Variants in PNMA6F observed in about 807,000 individuals in gnomAD.
The protein encoded by PNMA6F is paraneoplastic antigen Ma6F.
For synonymous variants in PNMA6F, 14 were observed against 3.4 expected (o/e 4.15, Z -3.45); for missense variants, 57 against 10.8 (o/e 5.25, Z -5.98).
Position 153,319,445 on chromosome X carries a change from T to C in PNMA6F, c.1230A>G (p.Pro410=), listed in dbSNP as rs1321064633. The change falls in exon 2 of 2, where the codon CCA becomes CCG. Residue 410 remains proline (P), a synonymous_variant. Coordinates refer to ENST00000436629, the MANE Select transcript of PNMA6F (RefSeq NM_001354980.2). ...GCCGCAGCAGCCTCAGGAAGTCAGGTGGCCTCCTCTCCAGCTGCATCCTCC... is the reference window on the plus strand; with the variant it reads ...GCCGCAGCAGCCTCAGGAAGTCAGGCGGCCTCCTCTCCAGCTGCATCCTCC... ...TLRRMQLERR[P]PDFLRLLRLI... 3 of 297,000 alleles carry C rather than the reference T, an allele frequency of 1.0e-5. No individual in the cohort carries two copies. Among genetic ancestry groups the C allele is most frequent in the Non-Finnish European group, 1.8e-5 (3 of 170,254 alleles). 24.5% of individuals were successfully genotyped at this position (297,000 alleles called of 1,213,427 possible). A position where few individuals can be genotyped will look rare whatever the true frequency, so the allele number is the denominator to read the frequency against.
chrX:153,320,786 A>C, intron 1 of PNMA6F, 29 bp from the exon 2 acceptor site: 1 of 294,585 alleles, frequency 3.4e-6, no homozygotes, highest in Non-Finnish European at 5.9e-6. Context: ...GAGAGGGACG[A>C]CGTTGCTGCC....
chrX:153,319,232 G>A lies in PNMA6F; in HGVS notation c.1443C>T (p.Ala481=), dbSNP rs1189470978. 1.3e-5 allele frequency: 4 copies of A among 297,670 alleles called. No homozygotes were observed. The highest frequency in any genetic ancestry group is 9.5e-5 in the East Asian group (2 of 21,020). 24.5% of individuals were successfully genotyped at this position (297,670 alleles called of 1,213,427 possible). Residue 481 remains alanine, a synonymous_variant, in exon 2 of 2, where the codon GCC becomes GCT. Coordinates refer to ENST00000436629, the MANE Select transcript of PNMA6F (RefSeq NM_001354980.2). ...CCCCAGTGGCAGGGGCAACCCTGGC[G>A]GCCTCTTTGGTGGTGGAAGCAGCCT... The part of the protein sequence containing the change: ...ADEAASTTKE[A]ARVAPATGED...
chrX:153,317,727 T>C lies in PNMA6F; in HGVS notation c.*1211A>G, dbSNP rs782712351. 9.7e-5 allele frequency: 12 copies of C among 123,436 alleles called. No individual in the cohort carries two copies. The East Asian group carries it at 3.1e-3, about 32-fold the overall frequency. The allele number at this position is 123,436 out of a possible 1,213,427, so 10.2% of individuals were successfully genotyped here. A position where few individuals can be genotyped will look rare whatever the true frequency, so the allele number is the denominator to read the frequency against. On this transcript the variant is annotated 3_prime_UTR_variant, in exon 2 of 2. Transcript: ENST00000436629. ...TGAAGAGAAACATGTACTGAAACCA[T>C]TGAAGAGAAGGGAATCACAACACAG...
chrX:153,318,556 T>C lies in PNMA6F; in HGVS notation c.*382A>G, dbSNP rs1407929227. 5.3e-5 allele frequency: 7 copies of C among 132,631 alleles called. No homozygotes were observed. Among genetic ancestry groups the C allele is most frequent in the South Asian group, 6.8e-4 (2 of 2,948 alleles). 10.9% of individuals were successfully genotyped at this position (132,631 alleles called of 1,213,427 possible). ...CGGACGCGTGGGTCACTATGGGGCC[T>C]ACAGAGGTGAGGGTGGGCTTCCCGG... On this transcript the variant is annotated 3_prime_UTR_variant, in exon 2 of 2. Coordinates refer to ENST00000436629, the MANE Select transcript of PNMA6F (RefSeq NM_001354980.2).
In PNMA6F at chrX:153,320,040, TCCTCACCTGCGCCTCCTG is replaced by T. The variant is rs1271997806; in HGVS notation, c.617_634del (p.Ala206_Glu211del). On this transcript the variant is annotated inframe_deletion, in exon 2 of 2. Transcript: ENST00000436629. The stretch of plus-strand genomic sequence containing the variant: ...AGCTCCTGCCTCATCTTCACCTCCT[TCCTCACCTGCGCCTCCTG>T]CCTCACCTGCACCTCCTTCCTCACC... 3 of 340,058 alleles carry T rather than the reference TCCTCACCTGCGCCTCCTG, an allele frequency of 8.8e-6. No homozygotes were observed. Among genetic ancestry groups the T allele is most frequent in the Non-Finnish European group, 9.9e-6 (2 of 201,387 alleles). The allele number at this position is 340,058 out of a possible 1,213,427, so 28.0% of individuals were successfully genotyped here. A position where few individuals can be genotyped will look rare whatever the true frequency, so the allele number is the denominator to read the frequency against.
chrX:153,321,678 G>A lies in PNMA6F; in HGVS notation c.-210C>T, dbSNP rs1457778156. On this transcript the variant is annotated 5_prime_UTR_variant, in exon 1 of 2. Coordinates refer to ENST00000436629, the MANE Select transcript of PNMA6F (RefSeq NM_001354980.2). ...GTGGAAGATCTCGCCTCAGTCACGC[G>A]GCCGCGCTGCGCAGCGCAGGGGTCT... The A allele has an allele frequency of 9.3e-6, 1 of 107,352 alleles. No individual in the cohort carries two copies. The highest frequency in any genetic ancestry group is 1.9e-5 in the Non-Finnish European group (1 of 51,735). The allele number at this position is 107,352 out of a possible 1,213,427, so 8.8% of individuals were successfully genotyped here.
chrX:153,318,696 G>A lies in PNMA6F; in HGVS notation c.*242C>T, dbSNP rs2051973413. On this transcript the variant is annotated 3_prime_UTR_variant, in exon 2 of 2. Transcript: ENST00000436629. The stretch of plus-strand genomic sequence containing the variant: ...CCCATCTCTCCCAACACAGGACAAG[G>A]GGTGGGGGGCAGACATCTTCAGGCT... 3.7e-6 allele frequency: 1 copy of A among 266,965 alleles called. No individual in the cohort carries two copies. Among genetic ancestry groups the A allele is most frequent in the East Asian group, 5.5e-5 (1 of 18,276 alleles). 22.0% of individuals were successfully genotyped at this position (266,965 alleles called of 1,213,427 possible). A position where few individuals can be genotyped will look rare whatever the true frequency, so the allele number is the denominator to read the frequency against.
rs1339735919 is a variant in PNMA6F at position 153,320,549 on chromosome X, CA to C, written c.125del (p.Leu42ArgfsTer28). 1 of 295,461 alleles carries C rather than the reference CA, an allele frequency of 3.4e-6. No individual in the cohort carries two copies. Among genetic ancestry groups the C allele is most frequent in the African/African-American group, 2.8e-5 (1 of 36,188 alleles). The allele number at this position is 295,461 out of a possible 1,213,427, so 24.3% of individuals were successfully genotyped here. On this transcript the variant is annotated frameshift_variant, in exon 2 of 2. Coordinates refer to ENST00000436629, the MANE Select transcript of PNMA6F (RefSeq NM_001354980.2). LOFTEE classifies it low-confidence loss of function (END_TRUNC). ...QEAVRAALSP[L>X]GRYRVLIKVF... ...CCTTGATGAGCACTCGGTACCTGCC[CA>C]GGGGCGACAGGGCAGCCCGCACGGC...
At position 153,319,678 on chromosome X, in the gene PNMA6F, G is replaced by A. The variant is rs782420359; in HGVS notation, c.997C>T (p.Arg333Trp). Residue 333 changes from arginine (R) to tryptophan (W), a missense_variant, in exon 2 of 2, where the codon CGG (arginine) becomes TGG (tryptophan). By Grantham distance (101) the Arg-to-Trp change is moderately radical (BLOSUM62 -3). Coordinates refer to ENST00000436629, the MANE Select transcript of PNMA6F (RefSeq NM_001354980.2). ...LTALGQVFRS[R>W]DTWMTSRMKF... ...ATCCGCGAGGTCATCCATGTATCCCGGCTCCTAAACACCTGCCCCAGCGCC... is the reference window on the plus strand; with the variant it reads ...ATCCGCGAGGTCATCCATGTATCCCAGCTCCTAAACACCTGCCCCAGCGCC... 5 of 297,261 alleles carry A rather than the reference G, an allele frequency of 1.7e-5. No homozygotes were observed. The highest frequency in any genetic ancestry group is 4.8e-5 in the East Asian group (1 of 21,005). 24.5% of individuals were successfully genotyped at this position (297,261 alleles called of 1,213,427 possible). A position where few individuals can be genotyped will look rare whatever the true frequency, so the allele number is the denominator to read the frequency against.
rs1556958383 is a variant in PNMA6F at position 153,318,066 on chromosome X, C to G, written c.*872G>C. 1 of 117,344 alleles carries G rather than the reference C, an allele frequency of 8.5e-6. No homozygotes were observed. Among genetic ancestry groups the G allele is most frequent in the African/African-American group, 3.3e-5 (1 of 30,716 alleles). 9.7% of individuals were successfully genotyped at this position (117,344 alleles called of 1,213,427 possible). A position where few individuals can be genotyped will look rare whatever the true frequency, so the allele number is the denominator to read the frequency against. The stretch of plus-strand genomic sequence containing the variant: ...GTCAAGGAAACTGAGTCACAAGTAA[C>G]AACAGGAATAGAACACCAAAGCACA... On this transcript the variant is annotated 3_prime_UTR_variant, in exon 2 of 2. Transcript: ENST00000436629.
At chrX:153,320,919 C>T (rs2051991610) in intron 1 of PNMA6F, among the ~76,000 whole-genome samples, 162 bp from the exon 2 acceptor site, 2 of 107,131 alleles carry the variant, frequency 1.9e-5, no homozygotes, top group South Asian at 8.7e-4. Context: ...GTTGGTGACA[C>T]TTAATCCCTT....
Position 153,320,058 on chromosome X carries a change from G to A in PNMA6F, c.617C>T (p.Ala206Val). The stretch of plus-strand genomic sequence containing the variant: ...ACCTCCTTCCTCACCTGCGCCTCCT[G>A]CCTCACCTGCACCTCCTTCCTCACC... ...GTGEEGGAGEAGGAGEEGGED... is the reference protein window; with the variant it reads ...GTGEEGGAGEVGGAGEEGGED... The change falls in exon 2 of 2, where the codon GCA becomes GTA. Residue 206 changes from alanine (A) to valine (V), a missense_variant. Ala to Val is a moderately conservative substitution (Grantham distance 64). Transcript: ENST00000436629. 2.8e-6 allele frequency: 1 copy of A among 358,044 alleles called. No individual in the cohort carries two copies. The highest frequency in any genetic ancestry group is 4.8e-6 in the Non-Finnish European group (1 of 210,457). 29.5% of individuals were successfully genotyped at this position (358,044 alleles called of 1,213,427 possible). A position where few individuals can be genotyped will look rare whatever the true frequency, so the allele number is the denominator to read the frequency against.
rs1440383101 is a variant in PNMA6F at position 153,321,543 on chromosome X, C to A, written c.-84+9G>T. ...CGGTCACTCTGGGGTCCCGCCGGAG[C>A]CTGCTCACTTTCTCCGACTCTGCGG... On this transcript the variant is annotated intron_variant, in intron 1 of 1. Transcript: ENST00000436629. The A allele has an allele frequency of 1.9e-5, 2 of 105,607 alleles. No individual in the cohort carries two copies. Among genetic ancestry groups the A allele is most frequent in the Admixed American group, 2.0e-4 (2 of 9,964 alleles). The allele number at this position is 105,607 out of a possible 1,213,427, so 8.7% of individuals were successfully genotyped here.
chrX:153,320,426 T>C lies in PNMA6F; in HGVS notation c.249A>G (p.Gly83=). The C allele has an allele frequency of 6.7e-6, 2 of 297,971 alleles. No individual in the cohort carries two copies. Among genetic ancestry groups the C allele is most frequent in the Non-Finnish European group, 1.2e-5 (2 of 170,796 alleles). The allele number at this position is 297,971 out of a possible 1,213,427, so 24.6% of individuals were successfully genotyped here. ...GGGGCAGGGAGATCACTTTCCAGGG[T>C]CCCCCTTTGCCTGCTATTTGGCGGG... ...LIPRQIAGKG[G]PWKVISLPQA... is the part of the protein sequence containing the mutation. The change falls in exon 2 of 2, where the codon GGA becomes GGG. Residue 83 remains glycine (G), a synonymous_variant. Coordinates refer to ENST00000436629, the MANE Select transcript of PNMA6F (RefSeq NM_001354980.2).
Position 153,319,592 on chromosome X carries a change from C to T in PNMA6F, c.1083G>A (p.Leu361=). 3.4e-6 allele frequency: 1 copy of T among 298,266 alleles called. No homozygotes were observed. 24.6% of individuals were successfully genotyped at this position (298,266 alleles called of 1,213,427 possible). A position where few individuals can be genotyped will look rare whatever the true frequency, so the allele number is the denominator to read the frequency against. Residue 361 remains leucine (L), a synonymous_variant, in exon 2 of 2, where the codon CTG becomes CTA. Coordinates refer to ENST00000436629, the MANE Select transcript of PNMA6F (RefSeq NM_001354980.2). ...CCACGGCCTTCTGCAGCAGGCCTTC[C>T]AGGCGCACCACGAAGGCAAACAGCC... The part of the protein sequence containing the change: ...QEGLFAFVVR[L]EGLLQKAVEK...
Position 153,318,741 on chromosome X carries a change from C to T in PNMA6F, c.*197G>A. On this transcript the variant is annotated 3_prime_UTR_variant, in exon 2 of 2. Coordinates refer to ENST00000436629, the MANE Select transcript of PNMA6F (RefSeq NM_001354980.2). Reference sequence around the variant, plus strand: ...CAGGCTGGCCGCTCAGAGCTCCCTCCAGGCCAGCTCCCCATTTGGTATCAA... The same window carrying T: ...CAGGCTGGCCGCTCAGAGCTCCCTCTAGGCCAGCTCCCCATTTGGTATCAA... The T allele has an allele frequency of 6.9e-6, 2 of 290,492 alleles. No individual in the cohort carries two copies. The highest frequency in any genetic ancestry group is 1.2e-5 in the Non-Finnish European group (2 of 165,830). 23.9% of individuals were successfully genotyped at this position (290,492 alleles called of 1,213,427 possible). A position where few individuals can be genotyped will look rare whatever the true frequency, so the allele number is the denominator to read the frequency against.
chrX:153,318,689 G>T lies in PNMA6F; in HGVS notation c.*249C>A. ...TCTTTCCCCCATCTCTCCCAACACA[G>T]GACAAGGGGTGGGGGGCAGACATCT... On this transcript the variant is annotated 3_prime_UTR_variant, in exon 2 of 2. Transcript: ENST00000436629. The T allele has an allele frequency of 3.8e-6, 1 of 260,922 alleles. No individual in the cohort carries two copies. Among genetic ancestry groups the T allele is most frequent in the Non-Finnish European group, 6.8e-6 (1 of 146,967 alleles). 21.5% of individuals were successfully genotyped at this position (260,922 alleles called of 1,213,427 possible).
chrX:153,320,129 T>G lies in PNMA6F; in HGVS notation c.546A>C (p.Ala182=). 2.8e-6 allele frequency: 1 copy of G among 357,625 alleles called. No individual in the cohort carries two copies. Among genetic ancestry groups the G allele is most frequent in the Non-Finnish European group, 4.8e-6 (1 of 209,553 alleles). 29.5% of individuals were successfully genotyped at this position (357,625 alleles called of 1,213,427 possible). A position where few individuals can be genotyped will look rare whatever the true frequency, so the allele number is the denominator to read the frequency against. ...AAGEAGGAGE[A]GGAGEAGGAG... ...CACCTCCTGCCTCACCTGCACCTCC[T>G]GCCTCACCTGCACCTCCTGCCTCAC... Residue 182 remains alanine (A), a synonymous_variant, in exon 2 of 2, where the codon GCA becomes GCC. Coordinates refer to ENST00000436629, the MANE Select transcript of PNMA6F (RefSeq NM_001354980.2).
Position 153,320,556 on chromosome X carries a change from G to A in PNMA6F, c.119C>T (p.Ser40Leu), listed in dbSNP as rs1282178507. Reference sequence around the variant, plus strand: ...GAGCACTCGGTACCTGCCCAGGGGCGACAGGGCAGCCCGCACGGCCTCCTG... The same window carrying A: ...GAGCACTCGGTACCTGCCCAGGGGCAACAGGGCAGCCCGCACGGCCTCCTG... ...EFQEAVRAALSPLGRYRVLIK... is the reference protein window; with the variant it reads ...EFQEAVRAALLPLGRYRVLIK... The change falls in exon 2 of 2, where the codon TCG (serine) becomes TTG (leucine). Residue 40 changes from serine to leucine, a missense_variant. Ser to Leu is a moderately radical substitution (Grantham distance 145, BLOSUM62 -2). Transcript: ENST00000436629. 1.7e-5 allele frequency: 5 copies of A among 295,407 alleles called. No individual in the cohort carries two copies. The Admixed American group carries it at 1.8e-4, about 11-fold the overall frequency. The allele number at this position is 295,407 out of a possible 1,213,427, so 24.3% of individuals were successfully genotyped here.
Sources: gnomAD v4.1 joint callset for allele counts (sites outside exome capture counted in the v4.1 genomes callset) on GRCh38, gnomAD v4.1.1 for gene constraint, MANE v1.5 for transcripts, NCBI Gene and HGNC (gene_info 2026-07-23, HGNC 2026-07-21) for gene names.